The following KLF16 variants were observed in gnomAD, a reference collection of about 807,000 sequenced individuals.
KLF16 encodes the protein KLF transcription factor 16.
In KLF16, 6 loss-of-function variants were observed where a neutral mutation model predicts 6.1. That is an observed-to-expected ratio of 0.98 (90% confidence interval 0.54 to 1.93). The LOEUF (loss-of-function observed/expected upper bound fraction) is 1.93. Among genes scored for constraint, KLF16 ranks in the 30% most tolerant of loss-of-function variants. The pLI, the probability that KLF16 is intolerant of heterozygous loss-of-function variation, is 0.01. For synonymous variants in KLF16, 211 were observed against 176.5 expected, an observed-to-expected ratio of 1.20 and a Z score of -1.55; for missense variants, 355 against 363.8, an observed-to-expected ratio of 0.98 and a Z score of 0.20.
chr19:1,864,581 G>T (rs1449350406), upstream of KLF16, among the ~76,000 whole-genome samples: 1 of 152,124 alleles, frequency 6.6e-6, no homozygotes, highest in African/African-American at 2.4e-5. Context: ...AACGCAAAGG[G>T]CTGGGCTGGG....
intron 1 of KLF16, 44 bp from the exon 2 acceptor site, chr19:1,854,804 G>T (rs747093623): frequency 1.3e-6 from 2 of 1,587,910 alleles, no homozygotes; most frequent in Non-Finnish European, 1.7e-6. Context: ...GCGGGGGCGG[G>T]GGGAGATGAC....
upstream of KLF16, among the ~76,000 whole-genome samples, chr19:1,864,715 C>G (rs563960420): frequency 2.3e-3 from 351 of 151,222 alleles, 1 homozygote; most frequent in African/African-American, 8.2e-3. Context: ...GCCAGGTATT[C>G]GGGCCTCCCG....
upstream of KLF16, among the ~76,000 whole-genome samples, chr19:1,865,556 A>G (rs1002029940): frequency 1.3e-5 from 2 of 152,212 alleles, no homozygotes; most frequent in African/African-American, 4.8e-5. Flanking sequence ...GATGGGGGGC[A>G]GGGGTGAGCA....
rs2011975819 is a variant in KLF16, at chr19:1,857,385, A to T, written c.458-2625T>A. Reference sequence around the variant, plus strand: ...GCTCCGCGCTACCTGGCCGAGACGCAGCGCCCTGAGGATGCGGTGGGTGGG... The same window carrying T: ...GCTCCGCGCTACCTGGCCGAGACGCTGCGCCCTGAGGATGCGGTGGGTGGG... On this transcript the variant is annotated intron_variant, in intron 1 of 1. Coordinates refer to ENST00000250916, the MANE Select transcript of KLF16 (RefSeq NM_031918.4). The surrounding 1 kb of genome is among the most constrained non-coding windows in gnomAD (Gnocchi z 4.7). Among the ~76,000 whole-genome samples, 1 of 152,182 alleles carries T rather than the reference A, an allele frequency of 6.6e-6. No homozygotes were observed. The highest frequency in any genetic ancestry group is 1.5e-5 in the Non-Finnish European group (1 of 68,032).
At chr19:1,865,892 G>A (rs749506349), upstream of KLF16, among the ~76,000 whole-genome samples, 1 of 152,120 alleles carries the variant, frequency 6.6e-6, no homozygotes, top group Non-Finnish European at 1.5e-5. Flanking sequence ...CACCGGGTGC[G>A]GTGGCTCACG....
intron 1 of KLF16, among the ~76,000 whole-genome samples, chr19:1,856,950 C>CGCGGGGG (rs2011962590): frequency 4.6e-5 from 2 of 43,272 alleles, no homozygotes; most frequent in African/African-American, 3.9e-4. Flanking sequence ...AGCAGGTTGC[C>CGCGGGGG]GGGGTGGGGG....
At chr19:1,873,159 C>T in the KLF16 span, among the ~76,000 whole-genome samples, 4 of 152,190 alleles carry the variant, frequency 2.6e-5, no homozygotes, top group African/African-American at 7.2e-5. Flanking sequence ...CAGAGCCAGC[C>T]GGGTGGGTCC....
chr19:1,861,389 A>C (rs988397585), intron 1 of KLF16: 1 of 151,806 alleles, frequency 6.6e-6, no homozygotes, highest in African/African-American at 2.4e-5. Context: ...TACCCCCAAA[A>C]AGCCAGGGCA....
intron 1 of KLF16, among the ~76,000 whole-genome samples, chr19:1,857,000 G>T (rs1180378230): frequency 7.0e-6 from 1 of 143,636 alleles, no homozygotes; most frequent in Admixed American, 6.8e-5. Flanking sequence ...TGGGAACACA[G>T]CTGCCGCACG....
At chr19:1,869,561 C>T in the KLF16 span, among the ~76,000 whole-genome samples, 1 of 152,184 alleles carries the variant, frequency 6.6e-6, no homozygotes, top group Non-Finnish European at 1.5e-5. Flanking sequence ...TTCTCTGCAC[C>T]ACCCGTGCAG....
rs1056674172 is a variant in KLF16, at chr19:1,857,120, G to A, written c.458-2360C>T. Among the ~76,000 whole-genome samples, 1 of 152,114 alleles carries A rather than the reference G, an allele frequency of 6.6e-6. No homozygotes were observed. The highest frequency in any genetic ancestry group is 1.5e-5 in the Non-Finnish European group (1 of 68,004). On this transcript the variant is annotated intron_variant, in intron 1 of 1. Transcript: ENST00000250916. This position sits in a 1 kb window ranked among gnomAD's most constrained non-coding sequence, Gnocchi z 4.7. ...GGGCCAGGGTCGCCTCTCCGGCCTG[G>A]GTGCCTGCCAGCCCCGCCCCGCGCT... is the stretch of plus-strand genomic sequence containing the variant.
upstream of KLF16, among the ~76,000 whole-genome samples, chr19:1,865,759 C>T (rs2012178118): frequency 6.6e-6 from 1 of 152,222 alleles, no homozygotes; most frequent in Non-Finnish European, 1.5e-5. Context: ...TATTCACACC[C>T]CTAAGCCCCA....
chr19:1,870,873 G>GT, the KLF16 span, among the ~76,000 whole-genome samples: 4 of 152,144 alleles, frequency 2.6e-5, no homozygotes, highest in Non-Finnish European at 5.9e-5. Context: ...GCACGCGCCC[G>GT]TAATCCCAGC....
At chr19:1,858,752 C>T (rs1340445242) in intron 1 of KLF16, among the ~76,000 whole-genome samples, 5 of 152,150 alleles carry the variant, frequency 3.3e-5, no homozygotes, top group African/African-American at 1.2e-4. Flanking sequence ...GGACCTCCTG[C>T]ACCAGACTCT....
Position 1,854,550 on chromosome 19 carries a change from C to T in KLF16, c.668G>A (p.Arg223His), listed in dbSNP as rs768118295. ...HPDLLRRPGA[R>H]STSPSDSLPC... ...CAGCGAGTCGCTGGGGGAGGTACTG[C>T]GGGCACCAGGGCGCCGGAGCAGGTC... Residue 223 changes from arginine to histidine, a missense_variant, in exon 2 of 2, where the codon CGC becomes CAC. By Grantham distance (29) the Arg-to-His change is conservative. Coordinates refer to ENST00000250916, the MANE Select transcript of KLF16 (RefSeq NM_031918.4). The T allele has an allele frequency of 7.1e-6, 11 of 1,559,828 alleles. No individual in the cohort carries two copies. Among genetic ancestry groups the T allele is most frequent in the Middle Eastern group, 2.0e-4 (1 of 4,996 alleles).
At chr19:1,854,822 T>C in intron 1 of KLF16, 62 bp from the exon 2 acceptor site, 1 of 1,541,542 alleles carries the variant, frequency 6.5e-7, no homozygotes, top group African/African-American at 1.4e-5. Flanking sequence ...GACAGACACG[T>C]TCCAGCAGAT....
At chr19:1,860,050 C>T (rs1441865555) in intron 1 of KLF16, among the ~76,000 whole-genome samples, 2 of 139,246 alleles carry the variant, frequency 1.4e-5, no homozygotes, top group Non-Finnish European at 3.0e-5. Context: ...AGCCCCTCTC[C>T]TGGGGAGGGT....
intron 1 of KLF16, among the ~76,000 whole-genome samples, chr19:1,859,380 A>G (rs990695320): frequency 3.3e-5 from 5 of 152,028 alleles, no homozygotes; most frequent in Non-Finnish European, 2.9e-5. Flanking sequence ...TGCGTAGACC[A>G]GCACGCCTCG....
At chr19:1,865,120 C>G (rs926599570), upstream of KLF16, among the ~76,000 whole-genome samples, 1 of 152,212 alleles carries the variant, frequency 6.6e-6, no homozygotes, top group Non-Finnish European at 1.5e-5. Flanking sequence ...TGAGCCCTCC[C>G]TGGGCCCCAG....
Sources: allele counts gnomAD v4.1 joint callset (sites outside exome capture counted in the v4.1 genomes callset), GRCh38; gene constraint gnomAD v4.1.1; non-coding constraint Gnocchi (gnomAD v3.1); transcripts MANE v1.5; gene names NCBI Gene and HGNC (gene_info 2026-07-23, HGNC 2026-07-21).